Variants in NEBL observed in about 807,000 individuals in gnomAD.
The protein encoded by NEBL is LIM and SH3 protein 2.
Under a neutral mutation model 140.2 loss-of-function variants are expected in NEBL, and 122 were observed. The ratio of observed to expected loss-of-function variants is 0.87; its 90% CI spans 0.75 to 1.01. NEBL has a LOEUF of 1.01. NEBL is among the 50% of genes least tolerant of loss of function. The pLI is 0.00. For synonymous variants in NEBL, 436 were observed against 398.9 expected, an observed-to-expected ratio of 1.09 and a Z score of -1.11; for missense variants, 1,365 against 1,231.3, an observed-to-expected ratio of 1.11 and a Z score of -1.62.
chr10:20,952,904 C>CAAAAAAAAAAAAA (rs34713711), intron 4 of NEBL, among the ~76,000 whole-genome samples: 19 of 62,054 alleles, frequency 3.1e-4, no homozygotes, highest in South Asian at 7.5e-4. Flanking sequence ...GACCCTGTCT[C>CAAAAAAAAAAAAA]AAAAAAAAAA....
Position 20,859,844 on chromosome 10 carries a change from T to C in NEBL, c.685-18A>G, listed in dbSNP as rs1463659557. On this transcript the variant is annotated intron_variant, in intron 7 of 27. Coordinates refer to ENST00000377122, the MANE Select transcript of NEBL (RefSeq NM_006393.3). Reference sequence around the variant, plus strand: ...TATTTAATCTGTCATAAAAGAGAAATAGTACATGTAACTTTACATTTAAAA... The same window carrying C: ...TATTTAATCTGTCATAAAAGAGAAACAGTACATGTAACTTTACATTTAAAA... 2 of 1,153,634 alleles carry C rather than the reference T, an allele frequency of 1.7e-6. No individual in the cohort carries two copies. The highest frequency in any genetic ancestry group is 1.3e-6 in the Non-Finnish European group (1 of 770,432). 71.5% of individuals were successfully genotyped at this position (1,153,634 alleles called of 1,614,324 possible).
intron 2 of NEBL, among the ~76,000 whole-genome samples, chr10:21,035,806 T>C (rs956444696): frequency 2.0e-5 from 3 of 152,198 alleles, no homozygotes; most frequent in South Asian, 4.1e-4. Flanking sequence ...TATTTTTAAA[T>C]GTACATATAT....
chr10:21,009,763 C>G (rs1434942270), intron 3 of NEBL, among the ~76,000 whole-genome samples: 1 of 152,120 alleles, frequency 6.6e-6, no homozygotes, highest in Non-Finnish European at 1.5e-5. Flanking sequence ...TGCAAGGCCC[C>G]CAGAGAATTC....
chr10:20,786,974 T>C (rs1835468610), intron 27 of NEBL, among the ~76,000 whole-genome samples: 1 of 152,218 alleles, frequency 6.6e-6, no homozygotes, highest in African/African-American at 2.4e-5. Context: ...AGATTCTTTG[T>C]ATGTTTTATT....
At chr10:20,812,037 A>C (rs1838200369) in intron 24 of NEBL, among the ~76,000 whole-genome samples, 1 of 152,174 alleles carries the variant, frequency 6.6e-6, no homozygotes, top group African/African-American at 2.4e-5. Flanking sequence ...AGACTTTCAG[A>C]TGGCTCTCAA....
At chr10:21,140,682 T>C (rs1839587442) in intron 2 of NEBL, among the ~76,000 whole-genome samples, 1 of 152,202 alleles carries the variant, frequency 6.6e-6, no homozygotes, top group African/African-American at 2.4e-5. Flanking sequence ...AGTTTTCAAC[T>C]TGAATAAATC....
Position 21,102,035 on chromosome 10 carries a change from G to A in NEBL, c.164+70348C>T, listed in dbSNP as rs78164859. Among the ~76,000 whole-genome samples, 123 of 152,288 alleles carry A rather than the reference G, an allele frequency of 8.1e-4. 1 individual carries two copies. The East Asian group carries it at 0.022, about 27-fold the overall frequency. On this transcript the variant is annotated intron_variant, in intron 2 of 6. Transcript: ENST00000417816. The stretch of plus-strand genomic sequence containing the variant: ...GGTGTGTCACAAAATGTAGCATTCC[G>A]TTAAGGGCTTAATTAAACTACCTGT...
chr10:20,806,652 C>T (rs1837644523), intron 26 of NEBL, among the ~76,000 whole-genome samples: 2 of 152,164 alleles, frequency 1.3e-5, no homozygotes, highest in South Asian at 2.1e-4. Context: ...TGTCAAGGTC[C>T]CCCCACCAGC....
At chr10:20,852,501 G>C (rs1842643536) in intron 10 of NEBL, 44 bp downstream of exon 10, 1 of 1,373,022 alleles carries the variant, frequency 7.3e-7, no homozygotes, top group African/African-American at 1.4e-5. Context: ...GATGGTTACG[G>C]GTTGCTGGCA....
intron 4 of NEBL, among the ~76,000 whole-genome samples, chr10:20,914,754 A>G (rs894593119): frequency 1.3e-5 from 2 of 152,202 alleles, no homozygotes; most frequent in African/African-American, 2.4e-5. Context: ...AGTAAAAACA[A>G]TAGAAATGGA....
chr10:21,042,381 C>T (rs1308412315), intron 2 of NEBL, among the ~76,000 whole-genome samples: 1 of 152,152 alleles, frequency 6.6e-6, no homozygotes, highest in African/African-American at 2.4e-5. Flanking sequence ...GCTGACTGTG[C>T]ACTTTTTGAG....
At chr10:21,233,033 G>A (rs1301695089) in intron 3 of NEBL, among the ~76,000 whole-genome samples, 3 of 152,068 alleles carry the variant, frequency 2.0e-5, no homozygotes, top group Non-Finnish European at 2.9e-5. Context: ...CAGGAATCAA[G>A]GACAATGCCT....
At chr10:20,938,459 C>T (rs145673123) in intron 4 of NEBL, among the ~76,000 whole-genome samples, 7,795 of 152,182 alleles carry the variant, frequency 0.051, 330 homozygotes, top group East Asian at 0.15. Flanking sequence ...CATCAAAGAC[C>T]AAAGGTAGAT....
intron 3 of NEBL, among the ~76,000 whole-genome samples, chr10:21,247,060 C>G (rs1272865862): frequency 1.3e-5 from 2 of 152,100 alleles, no homozygotes; most frequent in African/African-American, 4.8e-5. Flanking sequence ...TTCACTCTCT[C>G]TCTCCCCTGT....
chr10:20,847,477 A>G (rs1842056380), intron 11 of NEBL, among the ~76,000 whole-genome samples: 1 of 152,184 alleles, frequency 6.6e-6, no homozygotes, highest in African/African-American at 2.4e-5. Context: ...TGAATATATT[A>G]ATCATGAATT....
intron 3 of NEBL, among the ~76,000 whole-genome samples, chr10:20,982,692 A>G (rs187362350): frequency 1.5e-3 from 224 of 152,310 alleles, no homozygotes; most frequent in Non-Finnish European, 2.7e-3. Flanking sequence ...TTAGCATACC[A>G]TAGGTATTCA....
At chr10:20,919,857 A>AGGGG (rs1833496033) in intron 4 of NEBL, among the ~76,000 whole-genome samples, 1 of 152,200 alleles carries the variant, frequency 6.6e-6, no homozygotes, top group Non-Finnish European at 1.5e-5. Flanking sequence ...TAATAATCTA[A>AGGGG]AATGTACACA....
chr10:21,019,874 C>T (rs912866382), intron 3 of NEBL, among the ~76,000 whole-genome samples: 18 of 152,140 alleles, frequency 1.2e-4, no homozygotes, highest in Admixed American at 7.9e-4. Flanking sequence ...TGACTCTGAC[C>T]GGAACTCATT....
At chr10:21,004,851 C>T (rs1838063560) in intron 3 of NEBL, among the ~76,000 whole-genome samples, 1 of 152,220 alleles carries the variant, frequency 6.6e-6, no homozygotes, top group African/African-American at 2.4e-5. Flanking sequence ...TACAGGTAGG[C>T]AGGAAAAGAC....
Sources: allele counts gnomAD v4.1 joint callset (sites outside exome capture counted in the v4.1 genomes callset), GRCh38; gene constraint gnomAD v4.1.1; transcripts MANE v1.5; gene names NCBI Gene and HGNC (gene_info 2026-07-23, HGNC 2026-07-21).